ZEB2: variants seen among roughly 807,000 people sequenced by gnomAD.
ZEB2 encodes zinc finger E-box-binding homeobox 2.
In ZEB2, 6 loss-of-function variants were observed where a neutral mutation model predicts 99.9. That is an observed-to-expected ratio of 0.06 (90% CI 0.03 to 0.12). ZEB2 has a LOEUF of 0.12. ZEB2 is among the 10% of genes least tolerant of loss of function. The pLI is 1.00. For synonymous variants in ZEB2, 517 were observed against 542.5 expected (o/e 0.95, Z 0.65); for missense variants, 969 against 1,502.8 (o/e 0.64, Z 5.87).
At chr2:144,433,413 T>A (rs2149892816) in intron 2 of ZEB2, among the ~76,000 whole-genome samples, 1 of 152,322 alleles carries the variant, frequency 6.6e-6, no homozygotes, top group East Asian at 1.9e-4. Flanking sequence ...GTTTACATGA[T>A]AATTGATGGA....
At chr2:144,463,267 C>T (rs141482886) in intron 2 of ZEB2, 53 of 151,930 alleles carry the variant, frequency 3.5e-4, no homozygotes, top group African/African-American at 9.7e-4. Flanking sequence ...CTCAGTCAAC[C>T]GAAGTTCTTG....
Position 144,429,764 on chromosome 2 carries a change from C to CT in ZEB2, c.331+4dup. On this transcript the variant is annotated splice_donor_region_variant and intron_variant, in intron 3 of 9. Transcript: ENST00000627532. ...GGAAGAGGCCAAGTGATTTTAGACA[C>CT]TTACCTGGACCATCTACAGAGGCTT... 6.2e-7 allele frequency: 1 copy of CT among 1,613,786 alleles called. No individual in the cohort carries two copies. Among genetic ancestry groups the CT allele is most frequent in the Non-Finnish European group, 8.5e-7 (1 of 1,179,770 alleles).
At chr2:144,393,764 T>C (rs1450068408) in intron 9 of ZEB2, among the ~76,000 whole-genome samples, 1 of 152,162 alleles carries the variant, frequency 6.6e-6, no homozygotes, top group African/African-American at 2.4e-5. Flanking sequence ...ACTTGACAAG[T>C]TGGAAAGCCA....
intron 2 of ZEB2, among the ~76,000 whole-genome samples, chr2:144,469,332 C>T (rs1047647009): frequency 3.3e-5 from 5 of 152,068 alleles, no homozygotes; most frequent in Admixed American, 6.6e-5. Flanking sequence ...CTCCTGGTCA[C>T]GGCCAATTCA....
At chr2:144,468,060 A>C (rs1458765415) in intron 2 of ZEB2, among the ~76,000 whole-genome samples, 1 of 152,102 alleles carries the variant, frequency 6.6e-6, no homozygotes, top group Non-Finnish European at 1.5e-5. Context: ...AAAGGGGAGT[A>C]GTTTGGAAGA....
At chr2:144,448,541 A>G (rs746201230) in intron 2 of ZEB2, among the ~76,000 whole-genome samples, 1 of 152,208 alleles carries the variant, frequency 6.6e-6, no homozygotes. Flanking sequence ...GGTACATGCT[A>G]AAAAGGGCCT....
chr2:144,493,351 T>G (rs1013989725), intron 2 of ZEB2, among the ~76,000 whole-genome samples: 1 of 152,192 alleles, frequency 6.6e-6, no homozygotes, highest in Non-Finnish European at 1.5e-5. Flanking sequence ...TAGAATTTTG[T>G]GTAATACTCC....
intron 2 of ZEB2, among the ~76,000 whole-genome samples, chr2:144,465,901 A>G (rs1704264679): frequency 6.6e-6 from 1 of 152,178 alleles, no homozygotes; most frequent in East Asian, 1.9e-4. Flanking sequence ...TAGAGCAACT[A>G]CTAGATAATT....
At position 144,389,418 on chromosome 2, in the gene ZEB2, A is replaced by T; in HGVS notation, c.*33T>A. ...CAAGCAGGTAACAATACTACTGGAA[A>T]AAAAAATAGGAAGCTTAAAATGCAG... On this transcript the variant is annotated 3_prime_UTR_variant, in exon 10 of 10. Transcript: ENST00000627532. This position sits in a 1 kb window ranked among gnomAD's most constrained non-coding sequence, Gnocchi z 6.8. The T allele has an allele frequency of 6.2e-7, 1 of 1,613,270 alleles. No individual in the cohort carries two copies. The highest frequency in any genetic ancestry group is 8.5e-7 in the Non-Finnish European group (1 of 1,179,252).
intron 4 of ZEB2, 139 bp downstream of exon 4, chr2:144,424,657 A>G: frequency 9.7e-7 from 1 of 1,031,408 alleles, no homozygotes. Context: ...TTGATTTGAA[A>G]CAAAACCAGA....
At chr2:144,462,054 C>CCT (rs1404739244) in intron 2 of ZEB2, 1 of 152,118 alleles carries the variant, frequency 6.6e-6, no homozygotes, top group African/African-American at 2.4e-5. Flanking sequence ...TCTTTGCCAT[C>CCT]CTTTCCTCTG....
intron 2 of ZEB2, among the ~76,000 whole-genome samples, chr2:144,440,568 C>T (rs1703901700): frequency 7.1e-6 from 1 of 140,412 alleles, no homozygotes. Flanking sequence ...TTTGTAAAGT[C>T]CAGTAATCAC....
Position 144,386,631 on chromosome 2 carries a change from C to T in ZEB2, c.*2820G>A, listed in dbSNP as rs1703087007. Reference sequence around the variant, plus strand: ...CACATTCATTGTTTGTTGGTCCTATCTCTTGTGGATTGGGACACAGATATG... The same window carrying T: ...CACATTCATTGTTTGTTGGTCCTATTTCTTGTGGATTGGGACACAGATATG... On this transcript the variant is annotated 3_prime_UTR_variant, in exon 10 of 10. Coordinates refer to ENST00000627532, the MANE Select transcript of ZEB2 (RefSeq NM_014795.4). 1 of 152,178 alleles carries T rather than the reference C, an allele frequency of 6.6e-6. No individual in the cohort carries two copies. Among genetic ancestry groups the T allele is most frequent in the Non-Finnish European group, 1.5e-5 (1 of 68,032 alleles). The allele number at this position is 152,178 out of a possible 1,614,324, so 9.4% of individuals were successfully genotyped here. A position where few individuals can be genotyped will look rare whatever the true frequency, so the allele number is the denominator to read the frequency against.
chr2:144,400,147 T>C lies in ZEB2; in HGVS notation c.1040A>G (p.Asn347Ser). The change falls in exon 8 of 10, where the codon AAT (asparagine) becomes AGT (serine). Residue 347 changes from asparagine (N) to serine (S), a missense_variant. Transcript: ENST00000627532. ...LISVNGRMRN[N>S]IKTGSSPNSV... is the part of the protein sequence containing the mutation. ...ATTAGGGGAAGAACCCGTCTTGATATTGTTTCTCATTCGGCCATTTACAGA... is the reference window on the plus strand; with the variant it reads ...ATTAGGGGAAGAACCCGTCTTGATACTGTTTCTCATTCGGCCATTTACAGA... 3 of 1,614,002 alleles carry C rather than the reference T, an allele frequency of 1.9e-6. No individual in the cohort carries two copies. The highest frequency in any genetic ancestry group is 2.5e-6 in the Non-Finnish European group (3 of 1,179,860).
chr2:144,400,277 T>C lies in ZEB2; in HGVS notation c.917-7A>G, dbSNP rs1294381202. The C allele has an allele frequency of 6.2e-7, 1 of 1,606,474 alleles. No individual in the cohort carries two copies. Among genetic ancestry groups the C allele is most frequent in the Non-Finnish European group, 8.5e-7 (1 of 1,179,760 alleles). On this transcript the variant is annotated splice_polypyrimidine_tract_variant and splice_region_variant and intron_variant, in intron 7 of 9. Coordinates refer to ENST00000627532, the MANE Select transcript of ZEB2 (RefSeq NM_014795.4). ...CACTCGTAAGGTTTTTCACCTAAAATGATAATTAAAATTACCGTTACATTT... is the reference window on the plus strand; with the variant it reads ...CACTCGTAAGGTTTTTCACCTAAAACGATAATTAAAATTACCGTTACATTT...
intron 2 of ZEB2, among the ~76,000 whole-genome samples, chr2:144,443,858 A>AT (rs556167911): frequency 3.0e-4 from 45 of 150,826 alleles, no homozygotes; most frequent in African/African-American, 9.0e-4. Context: ...TTGAAAATGT[A>AT]TTTAAAAAAA....
chr2:144,515,297 T>C (rs1705112908), intron 2 of ZEB2, among the ~76,000 whole-genome samples: 1 of 152,100 alleles, frequency 6.6e-6, no homozygotes, highest in South Asian at 2.1e-4. Flanking sequence ...CTTTAGATAC[T>C]TGTAAGAGGG....
chr2:144,454,529 G>GGATGA (rs1704095826), intron 2 of ZEB2, among the ~76,000 whole-genome samples: 1 of 152,056 alleles, frequency 6.6e-6, no homozygotes, highest in African/African-American at 2.4e-5. Context: ...ACACAAACCT[G>GGATGA]GATGAGATCA....
intron 2 of ZEB2, among the ~76,000 whole-genome samples, chr2:144,457,467 A>T (rs1704135545): frequency 6.6e-6 from 1 of 152,194 alleles, no homozygotes; most frequent in Non-Finnish European, 1.5e-5. Context: ...TAGGATTTTT[A>T]ACTATTTAAC....
Sources: allele counts gnomAD v4.1 joint callset (sites outside exome capture counted in the v4.1 genomes callset), GRCh38; gene constraint gnomAD v4.1.1; non-coding constraint Gnocchi (gnomAD v3.1); transcripts MANE v1.5; gene names NCBI Gene and HGNC (gene_info 2026-07-23, HGNC 2026-07-21).